The following SLC2A6 variants were observed in gnomAD, a reference collection of about 807,000 sequenced individuals.
The protein encoded by SLC2A6 is solute carrier family 2, facilitated glucose transporter member 6.
SLC2A6 carries 39 observed loss-of-function variants against 47.8 expected under a neutral mutation model. That is an observed-to-expected ratio of 0.82 (90% confidence interval 0.63 to 1.07). The LOEUF (loss-of-function observed/expected upper bound fraction) is 1.07, where lower values mean the gene tolerates loss of function less well. SLC2A6 is among the 50% of genes least tolerant of loss of function. The pLI is 0.00. For synonymous variants in SLC2A6, 346 were observed against 324.1 expected (o/e 1.07, Z -0.73); for missense variants, 650 against 707.6 (o/e 0.92, Z 0.92).
intron 9 of SLC2A6, among the ~76,000 whole-genome samples, chr9:133,472,409 G>T (rs1051876962): frequency 1.2e-4 from 19 of 152,090 alleles, no homozygotes; most frequent in African/African-American, 4.6e-4. Context: ...TCAGGGGCTG[G>T]GCCCTCTGGC....
chr9:133,474,806 T>C (rs1843876967), intron 6 of SLC2A6, among the ~76,000 whole-genome samples, 155 bp downstream of exon 6: 1 of 152,228 alleles, frequency 6.6e-6, no homozygotes, highest in Non-Finnish European at 1.5e-5. Flanking sequence ...AAGGCCCAGA[T>C]CTCAGATCTT....
In SLC2A6 at chr9:133,473,131, G is replaced by A. The variant is rs200814047; in HGVS notation, c.1342C>T (p.Leu448Phe). 7.4e-6 allele frequency: 12 copies of A among 1,611,174 alleles called. No individual in the cohort carries two copies. The highest frequency in any genetic ancestry group is 3.4e-4 in the Middle Eastern group (2 of 5,816). Residue 448 changes from leucine (L) to phenylalanine (F), a missense_variant, in exon 9 of 10, where the codon CTC (leucine) becomes TTC (phenylalanine). Leu to Phe is a conservative substitution (Grantham distance 22). Transcript: ENST00000371899. ...ACCACTGGCAGGAAGGACTTGGTGA[G>A]GACGAAGGCGGTGAGCCAGCTGGCC... The part of the protein sequence containing the change: ...VLASWLTAFV[L>F]TKSFLPVVST...
rs1843982008 is a variant in SLC2A6, at chr9:133,477,059, C to A, written c.438G>T (p.Gly146=). 1.3e-6 allele frequency: 2 copies of A among 1,546,598 alleles called. No individual in the cohort carries two copies. The highest frequency in any genetic ancestry group is 8.7e-7 in the Non-Finnish European group (1 of 1,146,232). The change falls in exon 3 of 10, where the codon GGG becomes GGT. Residue 146 remains glycine (G), a synonymous_variant. Transcript: ENST00000371899. ...LLGRTLTGFA[G]GLTAACIPVY... ...CCGGGATGCAGGCAGCTGTGAGCCC[C>A]CCGGCGAAGCCCGTCAGCGTCCTTC...
chr9:133,475,167 C>T, intron 5 of SLC2A6, 54 bp from the exon 6 acceptor site: 2 of 1,473,748 alleles, frequency 1.4e-6, no homozygotes, highest in Non-Finnish European at 1.8e-6. Flanking sequence ...CAGCAGGCGC[C>T]ATCCTGCCCT....
intron 6 of SLC2A6, 41 bp downstream of exon 6, chr9:133,474,920 G>A: frequency 6.8e-7 from 1 of 1,468,584 alleles, no homozygotes; most frequent in Non-Finnish European, 9.0e-7. Flanking sequence ...CAGCCTCCAG[G>A]GGACCCCGTG....
intron 6 of SLC2A6, among the ~76,000 whole-genome samples, chr9:133,474,415 T>G (rs1843863747): frequency 2.0e-5 from 3 of 152,366 alleles, no homozygotes; most frequent in African/African-American, 7.2e-5. Flanking sequence ...TGTGCTGCTA[T>G]CTTCATCTTG....
chr9:133,475,330 C>A (rs1001309597), intron 5 of SLC2A6, 70 bp downstream of exon 5: 1 of 1,473,324 alleles, frequency 6.8e-7, no homozygotes, highest in East Asian at 2.3e-5. Flanking sequence ...CCAGGAAAAG[C>A]CTCCACGGCC....
chr9:133,475,123 A>G lies in SLC2A6; in HGVS notation c.775-10T>C. 6.5e-7 allele frequency: 1 copy of G among 1,533,566 alleles called. No homozygotes were observed. 95.0% of individuals were successfully genotyped at this position (1,533,566 alleles called of 1,614,324 possible). A position where few individuals can be genotyped will look rare whatever the true frequency, so the allele number is the denominator to read the frequency against. On this transcript the variant is annotated splice_polypyrimidine_tract_variant and intron_variant, in intron 5 of 9. Coordinates refer to ENST00000371899, the MANE Select transcript of SLC2A6 (RefSeq NM_017585.4). ...ACGATACTCGGCTGCTCTGAAACAC[A>G]AGGCCGCCGCTGAGGGCGTTGGGCC... is the stretch of plus-strand genomic sequence containing the variant.
chr9:133,476,227 C>T lies in SLC2A6; in HGVS notation c.562+10G>A, dbSNP rs1355474417. On this transcript the variant is annotated intron_variant, in intron 4 of 9. Transcript: ENST00000371899. ...CCAGCCTGCACACAGGAGTGCGGGGCCATACTTGCCAAGGGCGTAGAGGGA... is the reference window on the plus strand; with the variant it reads ...CCAGCCTGCACACAGGAGTGCGGGGTCATACTTGCCAAGGGCGTAGAGGGA... 3.7e-6 allele frequency: 6 copies of T among 1,607,202 alleles called. No individual in the cohort carries two copies. In the East Asian group the frequency reaches 1.1e-4, roughly 30 times the overall value.
exon 1 of SLC2A6, chr9:133,479,098 CTG>C: frequency 2.0e-6 from 3 of 1,523,098 alleles, no homozygotes; most frequent in Non-Finnish European, 2.6e-6. Flanking sequence ...GGCGCTCAGA[CTG>C]GAGCAGCCGC....
chr9:133,476,314 G>A lies in SLC2A6; in HGVS notation c.485C>T (p.Pro162Leu). The A allele has an allele frequency of 6.2e-7, 1 of 1,613,048 alleles. No individual in the cohort carries two copies. The highest frequency in any genetic ancestry group is 1.1e-5 in the South Asian group (1 of 91,084). Residue 162 changes from proline to leucine, a missense_variant, in exon 4 of 10, where the codon CCC (proline) becomes CTC (leucine). Transcript: ENST00000371899. Reference sequence around the variant, plus strand: ...CCCCAGAGCCCCACGAACGCCTGGGGGAGCAATCTCAGACACGTACACCTG... The same window carrying A: ...CCCCAGAGCCCCACGAACGCCTGGGAGAGCAATCTCAGACACGTACACCTG... Reference protein sequence around the residue: ...CIPVYVSEIAPPGVRGALGAT... With the variant: ...CIPVYVSEIALPGVRGALGAT...
At chr9:133,475,252 GCTCTGGGAACAGCC>G in intron 5 of SLC2A6, 134 bp downstream of exon 5, 1 of 1,375,264 alleles carries the variant, frequency 7.3e-7, no homozygotes, top group Non-Finnish European at 9.6e-7. Context: ...GGCCACCCAG[GCTCTGGGAACAGCC>G]CCCCACCCCA....
intron 1 of SLC2A6, 82 bp downstream of exon 1, chr9:133,478,886 A>G: frequency 7.6e-7 from 1 of 1,311,080 alleles, no homozygotes; most frequent in African/African-American, 1.5e-5. Context: ...GGGGAGGCCC[A>G]GGGCGGGAGC....
Position 133,479,063 on chromosome 9 carries a change from C to A in SLC2A6, c.-4G>T. 1 of 1,593,372 alleles carries A rather than the reference C, an allele frequency of 6.3e-7. No homozygotes were observed. Among genetic ancestry groups the A allele is most frequent in the Non-Finnish European group, 8.5e-7 (1 of 1,173,772 alleles). On this transcript the variant is annotated 5_prime_UTR_variant, in exon 1 of 10. Coordinates refer to ENST00000371899, the MANE Select transcript of SLC2A6 (RefSeq NM_017585.4). ...CTCCCAGCAGCGGCTCCTGCATGGC[C>A]GGGTCTCTCTCGGGGCGAGCGGAGG... is the stretch of plus-strand genomic sequence containing the variant.
At position 133,473,760 on chromosome 9, in the gene SLC2A6, T is replaced by C. The variant is rs1843828202; in HGVS notation, c.1037-160A>G. 6.1e-6 allele frequency: 5 copies of C among 821,746 alleles called. No homozygotes were observed. The South Asian group carries it at 9.6e-5, about 16-fold the overall frequency. The allele number at this position is 821,746 out of a possible 1,614,324, so 50.9% of individuals were successfully genotyped here. ...GCAAGCTCTGTCTCCAGCCGCGTGTTAGGCTCCCACCGTGGAGTGTCACAG... is the reference window on the plus strand; with the variant it reads ...GCAAGCTCTGTCTCCAGCCGCGTGTCAGGCTCCCACCGTGGAGTGTCACAG... On this transcript the variant is annotated intron_variant, in intron 7 of 9. Coordinates refer to ENST00000371899, the MANE Select transcript of SLC2A6 (RefSeq NM_017585.4).
At chr9:133,475,252 G>T in intron 5 of SLC2A6, 139 bp from the exon 6 acceptor site, 2 of 1,375,262 alleles carry the variant, frequency 1.5e-6, no homozygotes, top group Non-Finnish European at 1.9e-6. Context: ...GGCCACCCAG[G>T]CTCTGGGAAC....
At position 133,478,963 on chromosome 9, in the gene SLC2A6, C is replaced by T. The variant is rs1312717741; in HGVS notation, c.92+5G>A. On this transcript the variant is annotated splice_donor_5th_base_variant and intron_variant, in intron 1 of 9. Coordinates refer to ENST00000371899, the MANE Select transcript of SLC2A6 (RefSeq NM_017585.4). ...ACCCGCAGCCCCCAACCTAGCGACTCTCACCCGACCCGCGCCCTGTCCCCT... is the reference window on the plus strand; with the variant it reads ...ACCCGCAGCCCCCAACCTAGCGACTTTCACCCGACCCGCGCCCTGTCCCCT... 1.3e-6 allele frequency: 2 copies of T among 1,572,446 alleles called. No homozygotes were observed. The highest frequency in any genetic ancestry group is 1.7e-6 in the Non-Finnish European group (2 of 1,163,314).
At position 133,479,038 on chromosome 9, in the gene SLC2A6, C is replaced by T; in HGVS notation, c.22G>A (p.Ala8Thr). 6.3e-7 allele frequency: 1 copy of T among 1,599,026 alleles called. No homozygotes were observed. Among genetic ancestry groups the T allele is most frequent in the Non-Finnish European group, 8.5e-7 (1 of 1,176,024 alleles). MQEPLLGAEGPDYDTFPE... is the reference protein window; with the variant it reads MQEPLLGTEGPDYDTFPE... ...AAGGTGTCGTAGTCCGGGCCCTCGG[C>T]TCCCAGCAGCGGCTCCTGCATGGCC... Residue 8 changes from alanine (A) to threonine (T), a missense_variant, in exon 1 of 10, where the codon GCC (alanine) becomes ACC (threonine). Coordinates refer to ENST00000371899, the MANE Select transcript of SLC2A6 (RefSeq NM_017585.4).
At position 133,471,945 on chromosome 9, in the gene SLC2A6, C is replaced by G. The variant is rs587638892; in HGVS notation, c.*76G>C. The G allele has an allele frequency of 2.2e-5, 34 of 1,519,538 alleles. No homozygotes were observed. The African/African-American group carries it at 4.1e-4, about 18-fold the overall frequency. 94.1% of individuals were successfully genotyped at this position (1,519,538 alleles called of 1,614,324 possible). A position where few individuals can be genotyped will look rare whatever the true frequency, so the allele number is the denominator to read the frequency against. Reference sequence around the variant, plus strand: ...GCAGGGATGACTGCTGCCTCTTGGTCCCAGGGTGCAGGTTTGTAGCCAACA... The same window carrying G: ...GCAGGGATGACTGCTGCCTCTTGGTGCCAGGGTGCAGGTTTGTAGCCAACA... On this transcript the variant is annotated 3_prime_UTR_variant, in exon 10 of 10. Transcript: ENST00000371899.
Sources: gnomAD v4.1 joint callset for allele counts (sites outside exome capture counted in the v4.1 genomes callset) on GRCh38, gnomAD v4.1.1 for gene constraint, MANE v1.5 for transcripts, NCBI Gene and HGNC (gene_info 2026-07-23, HGNC 2026-07-21) for gene names.